The following ST3GAL4 variants were observed in gnomAD, a reference collection of about 807,000 sequenced individuals.
The protein encoded by ST3GAL4 is ST3 beta-galactoside alpha-2,3-sialyltransferase 4, also known as CMP-N-acetylneuraminate-beta-galactosamide-alpha-2,3-sialyltransferase 4.
Under a neutral mutation model 42.6 loss-of-function variants are expected in ST3GAL4, and 24 were observed. The observed-to-expected ratio is 0.56, with a 90% CI of 0.41 to 0.79. The LOEUF is 0.79. ST3GAL4 is among the 30% of genes least tolerant of loss of function. The probability of loss-of-function intolerance (pLI) is 0.00; values close to 1 mark genes in which losing one functional copy is unlikely to be tolerated. For missense variants in ST3GAL4, 311 were observed against 430.8 expected (o/e 0.72, Z 2.46); for synonymous variants, 135 against 163.2 (o/e 0.83, Z 1.32).
Position 126,366,677 on chromosome 11 carries a change from C to A in ST3GAL4, c.-61+10835C>A, listed in dbSNP as rs1952440638. On this transcript the variant is annotated intron_variant, in intron 1 of 10. Transcript: ENST00000444328. The surrounding 1 kb of genome is among the most constrained non-coding windows in gnomAD (Gnocchi z 4.2). ...GAGACTTCAGGTGTGGACCCTCGAA[C>A]CCTCAGCTGCACAGGTCTGGAAACA... Among the ~76,000 whole-genome samples the A allele has an allele frequency of 6.6e-6, 1 of 152,168 alleles. No homozygotes were observed. Among genetic ancestry groups the A allele is most frequent in the Non-Finnish European group, 1.5e-5 (1 of 68,048 alleles).
chr11:126,412,093 C>G (rs1188721041), intron 9 of ST3GAL4, among the ~76,000 whole-genome samples: 1 of 151,944 alleles, frequency 6.6e-6, no homozygotes, highest in Non-Finnish European at 1.5e-5. Flanking sequence ...GCTTGGACAG[C>G]CGGTAGGGGG....
At chr11:126,360,685 G>A (rs1952215232) in intron 1 of ST3GAL4, among the ~76,000 whole-genome samples, 1 of 152,322 alleles carries the variant, frequency 6.6e-6, no homozygotes, top group Middle Eastern at 3.4e-3. Flanking sequence ...GCCTCCCAAA[G>A]TGCTGGGATT....
At chr11:126,401,557 GAA>G (rs751880802) in intron 1 of ST3GAL4, among the ~76,000 whole-genome samples, 1 of 123,864 alleles carries the variant, frequency 8.1e-6, no homozygotes, top group Non-Finnish European at 1.7e-5. Flanking sequence ...CTCCCTCTCA[GAA>G]AAAAAAAAAG....
Sources: allele counts gnomAD v4.1 joint callset (sites outside exome capture counted in the v4.1 genomes callset), GRCh38; gene constraint gnomAD v4.1.1; non-coding constraint Gnocchi (gnomAD v3.1); transcripts MANE v1.5; gene names NCBI Gene and HGNC (gene_info 2026-07-23, HGNC 2026-07-21).